NR3C1: variants seen among roughly 807,000 people sequenced by gnomAD.
The protein encoded by NR3C1 is glucocorticoid receptor.
In NR3C1, 14 loss-of-function variants were observed where a neutral mutation model predicts 74.0. The ratio of observed to expected loss-of-function variants is 0.19; its 90% CI spans 0.12 to 0.30. The LOEUF is 0.30. NR3C1 is among the 10% of genes least tolerant of loss of function. The pLI is 1.00. For synonymous variants in NR3C1, 308 were observed against 332.5 expected (o/e 0.93, Z 0.80); for missense variants, 695 against 909.8 (o/e 0.76, Z 3.04).
intron 2 of NR3C1, among the ~76,000 whole-genome samples, chr5:143,358,281 G>T (rs1032203547): frequency 2.6e-5 from 4 of 152,190 alleles, no homozygotes; most frequent in Non-Finnish European, 4.4e-5. Context: ...GAGGACATGA[G>T]AAAGGAAGAA....
intron 2 of NR3C1, among the ~76,000 whole-genome samples, chr5:143,397,692 A>C (rs1839479356): frequency 6.6e-6 from 1 of 151,946 alleles, no homozygotes; most frequent in Non-Finnish European, 1.5e-5. Context: ...TTTGATATTA[A>C]AGAACTTCTA....
At position 143,319,943 on chromosome 5, in the gene NR3C1, T is replaced by C. The variant is rs182822127; in HGVS notation, c.1185-5775A>G. ...TCAAAACAGAACTGAAGCCAAGCCATGGACTATACGGCTTAGTTATCAAGT... is the reference window on the plus strand; with the variant it reads ...TCAAAACAGAACTGAAGCCAAGCCACGGACTATACGGCTTAGTTATCAAGT... On this transcript the variant is annotated intron_variant, in intron 2 of 8. Coordinates refer to ENST00000394464, the MANE Select transcript of NR3C1 (RefSeq NM_000176.3). 7.2e-4 allele frequency among the ~76,000 whole-genome samples: 110 copies of C among 152,296 alleles called. 1 individual carries two copies. Among genetic ancestry groups the C allele is most frequent in the African/African-American group, 2.4e-3 (99 of 41,586 alleles).
At chr5:143,296,276 ATT>A (rs199808389) in intron 6 of NR3C1, among the ~76,000 whole-genome samples, 1 of 146,388 alleles carries the variant, frequency 6.8e-6, no homozygotes, top group African/African-American at 2.5e-5. Flanking sequence ...ATGCTTCAAG[ATT>A]TTTTTTTTTT....
At chr5:143,379,053 C>T (rs1050159979) in intron 2 of NR3C1, among the ~76,000 whole-genome samples, 2 of 152,170 alleles carry the variant, frequency 1.3e-5, no homozygotes, top group African/African-American at 4.8e-5. Context: ...AACTCTGAGC[C>T]TCAACCATTC....
rs1446145348 is a variant in NR3C1, at chr5:143,403,677, T to A, written c.-480A>T. ...CGAGCGGGACCGAGCGGGGAGCGGG[T>A]GGAGGCGGCGCCACGGCGCGCACAC... On this transcript the variant is annotated 5_prime_UTR_variant, in exon 1 of 9. Transcript: ENST00000394464. The A allele has an allele frequency of 2.5e-5, 25 of 985,190 alleles. No homozygotes were observed. The highest frequency in any genetic ancestry group is 3.0e-5 in the Non-Finnish European group (25 of 829,990). The allele number at this position is 985,190 out of a possible 1,614,324, so 61.0% of individuals were successfully genotyped here.
chr5:143,384,963 G>A (rs1002966496), intron 2 of NR3C1, among the ~76,000 whole-genome samples: 5 of 152,250 alleles, frequency 3.3e-5, no homozygotes, highest in Admixed American at 2.6e-4. Context: ...TGCCCCTGCA[G>A]AATGCATGGA....
chr5:143,339,121 G>A (rs1019137068), intron 2 of NR3C1, among the ~76,000 whole-genome samples: 1 of 152,136 alleles, frequency 6.6e-6, no homozygotes, highest in Admixed American at 6.5e-5. Flanking sequence ...ACTCTATGAT[G>A]TCTGCACAAT....
chr5:143,300,644 G>C lies in NR3C1; in HGVS notation c.1588C>G (p.Pro530Ala). Residue 530 changes from proline (P) to alanine (A), a missense_variant, in exon 5 of 9, where the codon CCT becomes GCT. By Grantham distance (27) the Pro-to-Ala change is conservative. Around this residue, in one of 4 missense-constraint regions of NR3C1, gnomAD observed 42 missense variants for 49.3 expected, o/e 0.85. Coordinates refer to ENST00000394464, the MANE Select transcript of NR3C1 (RefSeq NM_000176.3). The surrounding 1 kb of genome is among the most constrained non-coding windows in gnomAD (Gnocchi z 5.2). ...ACCTCCAACAGTGACACCAGGGTAGGGGTGAGTTGTGGTAACGTTGCAGGA... is the reference window on the plus strand; with the variant it reads ...ACCTCCAACAGTGACACCAGGGTAGCGGTGAGTTGTGGTAACGTTGCAGGA... ...IVPATLPQLTPTLVSLLEVIE... is the reference protein window; with the variant it reads ...IVPATLPQLTATLVSLLEVIE... The C allele has an allele frequency of 1.2e-6, 2 of 1,614,172 alleles. No individual in the cohort carries two copies. Among genetic ancestry groups the C allele is most frequent in the Non-Finnish European group, 1.7e-6 (2 of 1,180,008 alleles).
intron 2 of NR3C1, among the ~76,000 whole-genome samples, chr5:143,331,150 A>G (rs1034904205): frequency 2.0e-5 from 3 of 152,180 alleles, no homozygotes; most frequent in African/African-American, 4.8e-5. Context: ...AAGACCACAC[A>G]CTTAAAACCA....
At chr5:143,389,716 A>G (rs1837896887) in intron 2 of NR3C1, among the ~76,000 whole-genome samples, 1 of 152,364 alleles carries the variant, frequency 6.6e-6, no homozygotes, top group South Asian at 2.1e-4. Flanking sequence ...TGTAGTGCCC[A>G]TCCACAGACT....
At chr5:143,404,386 G>C (rs565382285), upstream of NR3C1, 1 of 985,368 alleles carries the variant, frequency 1.0e-6, no homozygotes, top group South Asian at 4.7e-5. Flanking sequence ...TTTGGGCCCG[G>C]GGGGAGTCGC....
intron 7 of NR3C1, chr5:143,293,725 G>T: frequency 3.0e-6 from 1 of 337,572 alleles, no homozygotes; most frequent in Non-Finnish European, 4.2e-6. Context: ...GTCTATCATA[G>T]TAGAAGTCTA....
chr5:143,295,169 T>C (rs896492038), intron 7 of NR3C1: 13 of 985,288 alleles, frequency 1.3e-5, no homozygotes, highest in Non-Finnish European at 1.4e-5. Context: ...TGTCTTCCCA[T>C]GATCAAAGAT....
intron 2 of NR3C1, among the ~76,000 whole-genome samples, chr5:143,357,350 C>G (rs1272651802): frequency 6.6e-6 from 1 of 151,946 alleles, no homozygotes; most frequent in Non-Finnish European, 1.5e-5. Context: ...AAAAGAAGAA[C>G]AAAAAACACC....
At position 143,325,463 on chromosome 5, in the gene NR3C1, C is replaced by T. The variant is rs118074282; in HGVS notation, c.1185-11295G>A. Among the ~76,000 whole-genome samples, 155 of 152,352 alleles carry T rather than the reference C, an allele frequency of 1.0e-3. 3 individuals are homozygous for T. In the East Asian group the frequency reaches 0.022, roughly 22 times the overall value. On this transcript the variant is annotated intron_variant, in intron 2 of 8. Transcript: ENST00000394464. ...GGGAGATACAATTCACGTTGAGATT[C>T]TGGTGAGGACACAGCCAAACCGCAT...
intron 1 of NR3C1, among the ~76,000 whole-genome samples, chr5:143,428,322 C>G (rs1751638983): frequency 6.6e-6 from 1 of 152,174 alleles, no homozygotes. Flanking sequence ...AAAATGGGAT[C>G]AATGGTTCAC....
chr5:143,282,387 A>G (rs1455473148), intron 8 of NR3C1, among the ~76,000 whole-genome samples, 181 bp downstream of exon 8: 1 of 147,222 alleles, frequency 6.8e-6, no homozygotes, highest in African/African-American at 2.5e-5. Flanking sequence ...AGGATATTTC[A>G]TAATTGGCCT....
intron 7 of NR3C1, among the ~76,000 whole-genome samples, chr5:143,286,097 C>G (rs773436038): frequency 2.0e-5 from 3 of 151,638 alleles, no homozygotes; most frequent in Admixed American, 6.6e-5. Context: ...AACTTTATAC[C>G]AATAAATTCA....
chr5:143,281,596 T>TAAA lies in NR3C1; in HGVS notation c.*292_*293insTTT. On this transcript the variant is annotated 3_prime_UTR_variant, in exon 9 of 9. Coordinates refer to ENST00000394464, the MANE Select transcript of NR3C1 (RefSeq NM_000176.3). ...GGCACTGGTGGTTTAGGTGCCATCC[T>TAAA]TCTTTGACTGTGGAGATTACGTCCA... 1 of 343,984 alleles carries TAAA rather than the reference T, an allele frequency of 2.9e-6. No homozygotes were observed. 21.3% of individuals were successfully genotyped at this position (343,984 alleles called of 1,614,324 possible). A position where few individuals can be genotyped will look rare whatever the true frequency, so the allele number is the denominator to read the frequency against.
Sources: allele counts gnomAD v4.1 joint callset (sites outside exome capture counted in the v4.1 genomes callset), GRCh38; gene constraint gnomAD v4.1.1; regional missense constraint gnomAD v4.1.1; non-coding constraint Gnocchi (gnomAD v3.1); transcripts MANE v1.5; gene names NCBI Gene and HGNC (gene_info 2026-07-23, HGNC 2026-07-21).